TLE1: variants seen among roughly 807,000 people sequenced by gnomAD.
The protein encoded by TLE1 is TLE family member 1, transcriptional corepressor, also known as transducin-like enhancer protein 1.
A neutral mutation model predicts 89.8 loss-of-function variants in TLE1; 21 were observed. The ratio of observed to expected loss-of-function variants is 0.23; its 90% CI spans 0.17 to 0.34. The LOEUF is 0.34. Among genes scored for constraint, TLE1 ranks in the 10% least tolerant of loss-of-function variants. The pLI, the probability that TLE1 is intolerant of heterozygous loss-of-function variation, is 1.00. For synonymous variants in TLE1, 447 were observed against 407.6 expected (o/e 1.10, Z -1.16); for missense variants, 795 against 1,031.2 (o/e 0.77, Z 3.14).
At chr9:81,685,775 G>C in intron 3 of TLE1, 55 bp from the exon 4 acceptor site, 4 of 1,611,612 alleles carry the variant, frequency 2.5e-6, no homozygotes, top group Non-Finnish European at 3.4e-6. Context: ...TTTACACTCT[G>C]CTAACACGTT....
At chr9:81,628,714 TAC>T (rs1487099752) in intron 8 of TLE1, among the ~76,000 whole-genome samples, 1 of 151,944 alleles carries the variant, frequency 6.6e-6, no homozygotes, top group Non-Finnish European at 1.5e-5. Context: ...AGAAGTCAAT[TAC>T]AGAGTGACAA....
At chr9:81,652,615 GT>G (rs1564029146) in intron 5 of TLE1, among the ~76,000 whole-genome samples, 1 of 152,106 alleles carries the variant, frequency 6.6e-6, no homozygotes, top group Admixed American at 6.5e-5. Flanking sequence ...GATCACCCTT[GT>G]TCACAAAAGG....
intron 14 of TLE1, among the ~76,000 whole-genome samples, chr9:81,597,358 C>A (rs529862740): frequency 2.6e-5 from 4 of 151,986 alleles, no homozygotes; most frequent in African/African-American, 7.2e-5. Flanking sequence ...TCAGGGAATG[C>A]GGAAAGGGAG....
In TLE1 at chr9:81,634,661, C is replaced by G. The variant is rs550755879; in HGVS notation, c.373-360G>C. The stretch of plus-strand genomic sequence containing the variant: ...ATCAGTAAGTAAACATGAGCTAGTT[C>G]TGTCTTTATGCGCCTCCAGGGATGA... On this transcript the variant is annotated intron_variant, in intron 6 of 19. Coordinates refer to ENST00000376499, the MANE Select transcript of TLE1 (RefSeq NM_005077.5). Among the ~76,000 whole-genome samples the G allele has an allele frequency of 4.6e-5, 7 of 152,238 alleles. No individual in the cohort carries two copies. In the East Asian group the frequency reaches 1.4e-3, roughly 29 times the overall value.
At chr9:81,653,823 T>TG (rs1829845765) in intron 5 of TLE1, 151 bp downstream of exon 5, 1 of 651,922 alleles carries the variant, frequency 1.5e-6, no homozygotes, top group Non-Finnish European at 2.7e-6. Flanking sequence ...TCAGATGTGT[T>TG]GGATAGACTA....
At chr9:81,614,904 G>C (rs1217629731) in intron 11 of TLE1, among the ~76,000 whole-genome samples, 1 of 151,262 alleles carries the variant, frequency 6.6e-6, no homozygotes, top group African/African-American at 2.4e-5. Context: ...AAGAATCTCG[G>C]AAGTTTGAGG....
chr9:81,654,367 G>A (rs1469612167), intron 4 of TLE1, among the ~76,000 whole-genome samples: 1 of 152,086 alleles, frequency 6.6e-6, no homozygotes, highest in Non-Finnish European at 1.5e-5. Flanking sequence ...TTGAGACAGA[G>A]TCTTGCTCTG....
chr9:81,670,418 C>T (rs549080058), intron 4 of TLE1, among the ~76,000 whole-genome samples: 1 of 152,212 alleles, frequency 6.6e-6, no homozygotes, highest in African/African-American at 2.4e-5. Flanking sequence ...CTCCGCCTCC[C>T]GGGCTCAAGT....
chr9:81,684,280 C>T (rs1236163304), intron 4 of TLE1, among the ~76,000 whole-genome samples: 1 of 152,092 alleles, frequency 6.6e-6, no homozygotes, highest in Non-Finnish European at 1.5e-5. Flanking sequence ...GAATAAGGCA[C>T]TAGCCACTGA....
At chr9:81,675,618 A>AAACTGAG (rs1037004111) in intron 4 of TLE1, among the ~76,000 whole-genome samples, 1 of 152,180 alleles carries the variant, frequency 6.6e-6, no homozygotes, top group Non-Finnish European at 1.5e-5. Context: ...TCCAAAAGAA[A>AAACTGAG]AACTGAGCAA....
chr9:81,644,524 G>C (rs1180432005), intron 6 of TLE1, among the ~76,000 whole-genome samples: 2 of 152,166 alleles, frequency 1.3e-5, no homozygotes, highest in Non-Finnish European at 2.9e-5. Context: ...AATTCATAGA[G>C]ATGGATAAGC....
intron 6 of TLE1, among the ~76,000 whole-genome samples, chr9:81,648,662 A>C (rs956318467): frequency 2.0e-5 from 3 of 152,210 alleles, no homozygotes; most frequent in African/African-American, 7.2e-5. Flanking sequence ...TTTAGTTCCA[A>C]ACTCCCCAAA....
intron 4 of TLE1, among the ~76,000 whole-genome samples, chr9:81,684,862 A>G (rs1834067330): frequency 6.6e-6 from 1 of 152,200 alleles, no homozygotes; most frequent in Non-Finnish European, 1.5e-5. Flanking sequence ...TTGGCAGACA[A>G]TGACTACTCA....
intron 4 of TLE1, among the ~76,000 whole-genome samples, chr9:81,665,370 A>G (rs529801384): frequency 6.6e-6 from 1 of 152,294 alleles, no homozygotes; most frequent in Admixed American, 6.5e-5. Context: ...CTGGCAGATA[A>G]TAACTTTTAT....
chr9:81,655,393 A>G (rs1029087588), intron 4 of TLE1, among the ~76,000 whole-genome samples: 2 of 151,810 alleles, frequency 1.3e-5, no homozygotes, highest in Non-Finnish European at 2.9e-5. Context: ...GGCTGGAAAA[A>G]CCTTTGCTCC....
intron 13 of TLE1, 88 bp from the exon 14 acceptor site, chr9:81,610,384 T>A: frequency 3.1e-6 from 3 of 959,130 alleles, no homozygotes; most frequent in South Asian, 2.9e-5. Flanking sequence ...AACTCACAGA[T>A]CCCCAAAGCA....
chr9:81,642,830 T>C (rs1828323996), intron 6 of TLE1, among the ~76,000 whole-genome samples: 1 of 152,188 alleles, frequency 6.6e-6, no homozygotes, highest in Non-Finnish European at 1.5e-5. Context: ...ACAACCCAAA[T>C]GTCTGTTGAT....
chr9:81,621,766 G>A (rs368249918), intron 8 of TLE1, among the ~76,000 whole-genome samples: 1 of 152,180 alleles, frequency 6.6e-6, no homozygotes, highest in East Asian at 1.9e-4. Context: ...ACCCCACCAT[G>A]GGAGGGTTGT....
chr9:81,635,921 G>A (rs144204086), intron 6 of TLE1, among the ~76,000 whole-genome samples: 898 of 152,272 alleles, frequency 5.9e-3, no homozygotes, highest in Middle Eastern at 0.024. Flanking sequence ...ACACTTTGGA[G>A]GCCAAGGCAG....
Sources: allele counts gnomAD v4.1 joint callset (sites outside exome capture counted in the v4.1 genomes callset), GRCh38; gene constraint gnomAD v4.1.1; transcripts MANE v1.5; gene names NCBI Gene and HGNC (gene_info 2026-07-23, HGNC 2026-07-21).